Variants in PCDHGA8 observed in about 807,000 individuals in gnomAD.
PCDHGA8 encodes protocadherin gamma subfamily A, 8.
A neutral mutation model predicts 59.2 loss-of-function variants in PCDHGA8; 45 were observed. The observed-to-expected ratio is 0.76, with a 90% confidence interval of 0.60 to 0.98. The LOEUF (loss-of-function observed/expected upper bound fraction) is 0.98, where lower values mean the gene tolerates loss of function less well. Ranked by LOEUF, PCDHGA8 falls within the 50% of genes least tolerant of loss-of-function variation. PCDHGA8 has a pLI of 0.00. For synonymous variants in PCDHGA8, 531 were observed against 519.0 expected, an observed-to-expected ratio of 1.02 and a Z score of -0.32; for missense variants, 1,257 against 1,196.2, an observed-to-expected ratio of 1.05 and a Z score of -0.75.
At position 141,476,606 on chromosome 5, in the gene PCDHGA8, G is replaced by T. The variant is rs2099394832; in HGVS notation, c.2425-18201G>T. The stretch of plus-strand genomic sequence containing the variant: ...GCTCGAGAGCGCGCACGATCCCGAT[G>T]TGGGAAGCAACTCTTTACAAACCTA... On this transcript the variant is annotated intron_variant, in intron 1 of 3. Transcript: ENST00000398604. The surrounding 1 kb of genome is among the most constrained non-coding windows in gnomAD (Gnocchi z 7.6). The T allele has an allele frequency of 1.9e-6, 3 of 1,614,126 alleles. No individual in the cohort carries two copies. Among genetic ancestry groups the T allele is most frequent in the Non-Finnish European group, 1.7e-6 (2 of 1,180,054 alleles).
intron 1 of PCDHGA8, chr5:141,419,090 G>T: frequency 6.2e-7 from 1 of 1,613,922 alleles, no homozygotes; most frequent in Non-Finnish European, 8.5e-7. Flanking sequence ...TGAGGCCCTG[G>T]ATCGGGAGCA....
chr5:141,449,842 A>G (rs893220311), intron 1 of PCDHGA8, among the ~76,000 whole-genome samples: 4 of 151,700 alleles, frequency 2.6e-5, no homozygotes, highest in Non-Finnish European at 4.4e-5. Flanking sequence ...TTATATAATT[A>G]AATTTTAATA....
chr5:141,492,122 C>G (rs2154587050), intron 1 of PCDHGA8, among the ~76,000 whole-genome samples: 1 of 152,328 alleles, frequency 6.6e-6, no homozygotes, highest in Admixed American at 6.5e-5. Context: ...GATTTCTCCC[C>G]AGCTCCCAGC....
chr5:141,422,643 C>T, intron 1 of PCDHGA8: 1 of 1,612,336 alleles, frequency 6.2e-7, no homozygotes, highest in Non-Finnish European at 8.5e-7. Flanking sequence ...GTGCCTCCAT[C>T]TTCTCAGTGA....
In PCDHGA8 at chr5:141,392,970, G is replaced by A. The variant is rs2092639280; in HGVS notation, c.157G>A (p.Gly53Arg). ...SFVGNISKDLGLDPRKLAKHG... is the reference protein window; with the variant it reads ...SFVGNISKDLRLDPRKLAKHG... The stretch of plus-strand genomic sequence containing the variant: ...CGTGGGTAATATCTCCAAGGACCTG[G>A]GGCTGGACCCCCGGAAGCTGGCGAA... Residue 53 changes from glycine to arginine, a missense_variant, in exon 1 of 4, where the codon GGG (glycine) becomes AGG (arginine). Coordinates refer to ENST00000398604, the MANE Select transcript of PCDHGA8 (RefSeq NM_032088.2). 1 of 1,613,778 alleles carries A rather than the reference G, an allele frequency of 6.2e-7. No homozygotes were observed. Among genetic ancestry groups the A allele is most frequent in the Non-Finnish European group, 8.5e-7 (1 of 1,179,896 alleles).
intron 1 of PCDHGA8, among the ~76,000 whole-genome samples, chr5:141,447,493 T>A (rs538320272): frequency 3.3e-5 from 5 of 152,186 alleles, no homozygotes; most frequent in East Asian, 1.9e-4. Flanking sequence ...AGAAGGAATG[T>A]TTAGGATAAA....
chr5:141,444,710 T>A (rs2098445001), intron 1 of PCDHGA8, among the ~76,000 whole-genome samples: 1 of 152,236 alleles, frequency 6.6e-6, no homozygotes, highest in Admixed American at 6.5e-5. Flanking sequence ...TTCTGTTGAA[T>A]TTGCTTGGTG....
intron 1 of PCDHGA8, among the ~76,000 whole-genome samples, chr5:141,482,488 G>C (rs1401943298): frequency 7.7e-6 from 1 of 130,410 alleles, no homozygotes; most frequent in African/African-American, 3.1e-5. Context: ...ACAATTAAAA[G>C]TTATCATTCT....
intron 1 of PCDHGA8, chr5:141,408,674 A>T (rs1005052894): frequency 3.1e-6 from 5 of 1,614,000 alleles, no homozygotes; most frequent in Non-Finnish European, 4.2e-6. Flanking sequence ...TGACCCTGCC[A>T]CGGATCCTGA....
chr5:141,431,225 C>A lies in PCDHGA8; in HGVS notation c.2424+35988C>A. On this transcript the variant is annotated intron_variant, in intron 1 of 3. Coordinates refer to ENST00000398604, the MANE Select transcript of PCDHGA8 (RefSeq NM_032088.2). The surrounding 1 kb of genome is among the most constrained non-coding windows in gnomAD (Gnocchi z 4.8). ...CACTGAGATGCGGTTCCCTCTACCC[C>A]ACGCCTGGGATCCGGATATCGGGAA... The A allele has an allele frequency of 1.2e-6, 2 of 1,614,118 alleles. No individual in the cohort carries two copies. The highest frequency in any genetic ancestry group is 1.7e-6 in the Non-Finnish European group (2 of 1,180,036).
chr5:141,486,399 C>G lies in PCDHGA8; in HGVS notation c.2425-8408C>G. On this transcript the variant is annotated intron_variant, in intron 1 of 3. Transcript: ENST00000398604. The surrounding 1 kb of genome is among the most constrained non-coding windows in gnomAD (Gnocchi z 5.0). ...TTCAGGAACCAGTTCTCCCTGGTGA[C>G]TGCTGGACCCTTGGATCGAGAGGCC... The G allele has an allele frequency of 6.2e-7, 1 of 1,614,188 alleles. No individual in the cohort carries two copies. The highest frequency in any genetic ancestry group is 1.1e-5 in the South Asian group (1 of 91,090).
At chr5:141,509,782 C>A (rs2099878218) in intron 3 of PCDHGA8, among the ~76,000 whole-genome samples, 1 of 152,144 alleles carries the variant, frequency 6.6e-6, no homozygotes, top group Admixed American at 6.5e-5. Context: ...TCCCCGAGAT[C>A]ATCATCTCCT....
chr5:141,479,845 A>T (rs895639749), intron 1 of PCDHGA8, among the ~76,000 whole-genome samples: 4 of 152,210 alleles, frequency 2.6e-5, no homozygotes, highest in Admixed American at 1.3e-4. Flanking sequence ...ATGCAAGGTG[A>T]CTGCAAGGCC....
intron 1 of PCDHGA8, chr5:141,398,072 G>T: frequency 1.9e-6 from 3 of 1,588,646 alleles, no homozygotes; most frequent in Non-Finnish European, 2.6e-6. Context: ...CAATACAGAG[G>T]TTATTTGTAA....
chr5:141,504,241 A>G (rs1282647590), intron 2 of PCDHGA8, among the ~76,000 whole-genome samples: 1 of 152,156 alleles, frequency 6.6e-6, no homozygotes, highest in Non-Finnish European at 1.5e-5. Flanking sequence ...AGAAGCAGAG[A>G]GTTCTTCTTA....
At chr5:141,472,176 G>C (rs1416695177) in intron 1 of PCDHGA8, among the ~76,000 whole-genome samples, 3 of 152,144 alleles carry the variant, frequency 2.0e-5, no homozygotes, top group Non-Finnish European at 2.9e-5. Context: ...GTAATATCCA[G>C]TATTGGAATT....
At chr5:141,416,553 ACT>A (rs932477065) in intron 1 of PCDHGA8, 2 of 152,100 alleles carry the variant, frequency 1.3e-5, no homozygotes, top group Non-Finnish European at 2.9e-5. Context: ...AACACCTGAA[ACT>A]CTGAAAACTC....
rs1376069004 is a variant in PCDHGA8 at position 141,457,869 on chromosome 5, G to T, written c.2425-36938G>T. On this transcript the variant is annotated intron_variant, in intron 1 of 3. Transcript: ENST00000398604. ...AAGTGACATTCTTCACTGACCACAG[G>T]TTAGGAACCCTGTGTGGGGACTGTG... 2.0e-5 allele frequency among the ~76,000 whole-genome samples: 3 copies of T among 152,334 alleles called. No individual in the cohort carries two copies. The East Asian group carries it at 5.8e-4, about 29-fold the overall frequency.
rs1316659737 is a variant in PCDHGA8 at position 141,490,964 on chromosome 5, C to T, written c.2425-3843C>T. ...CCACGGCCAGACTGGGAACACTCAG[C>T]CCCCCAGCGTCTCCCTCGCTCTGCT... On this transcript the variant is annotated intron_variant, in intron 1 of 3. Transcript: ENST00000398604. The surrounding 1 kb of genome is among the most constrained non-coding windows in gnomAD (Gnocchi z 5.4). 2.5e-6 allele frequency: 4 copies of T among 1,613,608 alleles called. No homozygotes were observed. Among genetic ancestry groups the T allele is most frequent in the East Asian group, 2.2e-5 (1 of 44,882 alleles).
Sources: allele counts gnomAD v4.1 joint callset (sites outside exome capture counted in the v4.1 genomes callset), GRCh38; gene constraint gnomAD v4.1.1; non-coding constraint Gnocchi (gnomAD v3.1); transcripts MANE v1.5; gene names NCBI Gene and HGNC (gene_info 2026-07-23, HGNC 2026-07-21).